Variants in ZNF792 observed in about 807,000 individuals in gnomAD.
ZNF792 encodes zinc finger protein 792.
A neutral mutation model predicts 13.1 loss-of-function variants in ZNF792; 14 were observed. That is an observed-to-expected ratio of 1.07 (90% CI 0.71 to 1.67). The LOEUF (loss-of-function observed/expected upper bound fraction) is 1.67, where lower values mean the gene tolerates loss of function less well. Among genes scored for constraint, ZNF792 ranks in the 40% most tolerant of loss-of-function variants. The probability of loss-of-function intolerance (pLI) is 0.00; values close to 1 mark genes in which losing one functional copy is unlikely to be tolerated. For synonymous variants in ZNF792, 257 were observed against 292.0 expected, an observed-to-expected ratio of 0.88 and a Z score of 1.22; for missense variants, 740 against 807.9, an observed-to-expected ratio of 0.92 and a Z score of 1.02.
At position 34,958,812 on chromosome 19, in the gene ZNF792, C is replaced by T. The variant is rs2013478378; in HGVS notation, c.1043G>A (p.Ser348Asn). 1.2e-6 allele frequency: 2 copies of T among 1,613,870 alleles called. No individual in the cohort carries two copies. The highest frequency in any genetic ancestry group is 1.7e-6 in the Non-Finnish European group (2 of 1,179,922). ...ATGCTGAATGAGGTTGGAGCTTCGG[C>T]TGAAGAATTTCCCACAGTCACCACA... ...HVCGDCGKFFSRSSNLIQHKR... is the reference protein window; with the variant it reads ...HVCGDCGKFFNRSSNLIQHKR... Residue 348 changes from serine (S) to asparagine (N), a missense_variant, in exon 4 of 4, where the codon AGC (serine) becomes AAC (asparagine). Ser to Asn is a conservative substitution (Grantham distance 46). Transcript: ENST00000404801.
rs749461661 is a variant in ZNF792 at position 34,959,480 on chromosome 19, A to C, written c.375T>G (p.Thr125=). The C allele has an allele frequency of 6.2e-7, 1 of 1,612,880 alleles. No individual in the cohort carries two copies. The highest frequency in any genetic ancestry group is 8.5e-7 in the Non-Finnish European group (1 of 1,179,210). ...GVAQDRSPEA[T]LCPQKTCPCD... ...AGGGGCAGGTCTTCTGGGGGCACAG[A>C]GTTGCCTCGGGACTCCTGTCCTGTG... Residue 125 remains threonine, a synonymous_variant, in exon 4 of 4, where the codon ACT becomes ACG. Transcript: ENST00000404801.
chr19:34,960,160 T>C, intron 3 of ZNF792, 75 bp downstream of exon 3: 1 of 1,570,182 alleles, frequency 6.4e-7, no homozygotes. Flanking sequence ...TGATGATGAA[T>C]AGGAGAGAAG....
chr19:34,960,097 G>T (rs1177603839), intron 3 of ZNF792, 138 bp downstream of exon 3: 2 of 1,284,346 alleles, frequency 1.6e-6, no homozygotes, highest in African/African-American at 3.0e-5. Context: ...AATGTGTCAA[G>T]CACGGGGAAG....
rs549410805 is a variant in ZNF792 at position 34,964,203 on chromosome 19, G to C, written c.-541C>G. Among the ~76,000 whole-genome samples the C allele has an allele frequency of 2.6e-5, 4 of 152,200 alleles. No homozygotes were observed. Among genetic ancestry groups the C allele is most frequent in the Admixed American group, 2.6e-4 (4 of 15,310 alleles). On this transcript the variant is annotated 5_prime_UTR_variant, in exon 1 of 4. Coordinates refer to ENST00000404801, the MANE Select transcript of ZNF792 (RefSeq NM_175872.5). Reference sequence around the variant, plus strand: ...ATCGCGAGTTTCTGCCCAGCCTCTCGTCAGGCTGAGGGTCCAGGGCGGGAA... The same window carrying C: ...ATCGCGAGTTTCTGCCCAGCCTCTCCTCAGGCTGAGGGTCCAGGGCGGGAA...
At position 34,960,214 on chromosome 19, in the gene ZNF792, CT is replaced by C. The variant is rs1568552649; in HGVS notation, c.283+20del. On this transcript the variant is annotated intron_variant, in intron 3 of 3. Transcript: ENST00000404801. ...CACAGTGGTGAAGTCACATCCTCCC[CT>C]AGCTCCCATCGCTGCTTACCAGAGC... 1.2e-6 allele frequency: 2 copies of C among 1,612,722 alleles called. No homozygotes were observed. The highest frequency in any genetic ancestry group is 3.3e-5 in the Admixed American group (2 of 59,996).
Position 34,958,736 on chromosome 19 carries a change from C to A in ZNF792, c.1119G>T (p.Lys373Asn), listed in dbSNP as rs943834305. The A allele has an allele frequency of 1.2e-6, 2 of 1,613,690 alleles. No homozygotes were observed. Among genetic ancestry groups the A allele is most frequent in the Admixed American group, 1.7e-5 (1 of 59,986 alleles). ...EKPYECSDCG[K>N]FFSQRSNLIH... The stretch of plus-strand genomic sequence containing the variant: ...TGAGGTTGGAACGCTGGCTGAAGAA[C>A]TTCCCACAGTCGCTGCACTCATATG... The change falls in exon 4 of 4, where the codon AAG becomes AAT. Residue 373 changes from lysine (K) to asparagine (N), a missense_variant. By Grantham distance (94) the Lys-to-Asn change is moderately conservative. Coordinates refer to ENST00000404801, the MANE Select transcript of ZNF792 (RefSeq NM_175872.5).
In ZNF792 at chr19:34,960,864, T is replaced by C; in HGVS notation, c.160+4A>G. 6.2e-7 allele frequency: 1 copy of C among 1,613,938 alleles called. No homozygotes were observed. Among genetic ancestry groups the C allele is most frequent in the Non-Finnish European group, 8.5e-7 (1 of 1,179,890 alleles). ...GGACACCGGGGTAGGGGTGACAGCC[T>C]TACCCAGCGAGGCTATAAGTGCAAA... On this transcript the variant is annotated splice_donor_region_variant and intron_variant, in intron 2 of 3. Transcript: ENST00000404801.
At position 34,958,076 on chromosome 19, in the gene ZNF792, C is replaced by G. The variant is rs1430032753; in HGVS notation, c.1779G>C (p.Val593=). Residue 593 remains valine, a synonymous_variant, in exon 4 of 4, where the codon GTG becomes GTC. Transcript: ENST00000404801. ...GTGTGTGCTGTGAACAGGGAAGGAG[C>G]ACATTCTCCATGCTCCTTTCTCTGA... ...IHIRERSMEN[V]LLPCSQHTPE... is the part of the protein sequence containing the mutation. 5.6e-6 allele frequency: 9 copies of G among 1,612,412 alleles called. No homozygotes were observed. Among genetic ancestry groups the G allele is most frequent in the Non-Finnish European group, 8.5e-7 (1 of 1,179,238 alleles).
At position 34,960,936 on chromosome 19, in the gene ZNF792, AG is replaced by A; in HGVS notation, c.91del (p.Leu31SerfsTer12). 1 of 1,614,030 alleles carries A rather than the reference AG, an allele frequency of 6.2e-7. No individual in the cohort carries two copies. The highest frequency in any genetic ancestry group is 1.1e-5 in the South Asian group (1 of 91,080). ...IYFSQEEWVL[L>X]DEAQRLLYCD... Reference sequence around the variant, plus strand: ...GTACAGGAGTCTCTGAGCCTCATCGAGGAGCACCCACTCCTCCTGGGAGAAG... The same window carrying A: ...GTACAGGAGTCTCTGAGCCTCATCGAGAGCACCCACTCCTCCTGGGAGAAG... On this transcript the variant is annotated frameshift_variant, in exon 2 of 4. Coordinates refer to ENST00000404801, the MANE Select transcript of ZNF792 (RefSeq NM_175872.5). LOFTEE classifies it high-confidence loss of function.
chr19:34,959,305 C>A lies in ZNF792; in HGVS notation c.550G>T (p.Val184Leu). 2.5e-6 allele frequency: 4 copies of A among 1,614,030 alleles called. No individual in the cohort carries two copies. Among genetic ancestry groups the A allele is most frequent in the Non-Finnish European group, 3.4e-6 (4 of 1,179,894 alleles). The change falls in exon 4 of 4, where the codon GTA becomes TTA. Residue 184 changes from valine to leucine, a missense_variant. By Grantham distance (32) the Val-to-Leu change is conservative (BLOSUM62 1). Transcript: ENST00000404801. ...NLPRKQVQQN[V>L]HNPIRTEEGQ... The stretch of plus-strand genomic sequence containing the variant: ...TCCTCCGTTCTGATAGGGTTGTGTA[C>A]GTTCTGCTGCACCTGTTTCCGGGGA...
chr19:34,958,653 T>G lies in ZNF792; in HGVS notation c.1202A>C (p.Lys401Thr), dbSNP rs201693784. The change falls in exon 4 of 4, where the codon AAA becomes ACA. Residue 401 changes from lysine (K) to threonine (T), a missense_variant. By Grantham distance (78) the Lys-to-Thr change is moderately conservative. Transcript: ENST00000404801. Reference protein sequence around the residue: ...RSAHECSECGKSFNCNSSLIK... With the variant: ...RSAHECSECGTSFNCNSSLIK... Reference sequence around the variant, plus strand: ...TAGGCTGGAGTTGCAGTTGAAAGATTTCCCACATTCACTGCACTCATGGGC... The same window carrying G: ...TAGGCTGGAGTTGCAGTTGAAAGATGTCCCACATTCACTGCACTCATGGGC... 2 of 1,614,094 alleles carry G rather than the reference T, an allele frequency of 1.2e-6. No homozygotes were observed. Among genetic ancestry groups the G allele is most frequent in the African/African-American group, 1.3e-5 (1 of 75,056 alleles).
At position 34,958,938 on chromosome 19, in the gene ZNF792, C is replaced by G. The variant is rs778015329; in HGVS notation, c.917G>C (p.Arg306Thr). The G allele has an allele frequency of 8.7e-6, 14 of 1,613,942 alleles. No homozygotes were observed. The African/African-American group carries it at 1.9e-4, about 22-fold the overall frequency. ...DLTQHQKVHN[R>T]GKPYECCECG... ...TTCACAGCACTCATACGGTTTTCCT[C>G]TATTGTGAACTTTCTGGTGTTGAGT... The change falls in exon 4 of 4, where the codon AGA becomes ACA. Residue 306 changes from arginine (R) to threonine (T), a missense_variant. Arg to Thr is a moderately conservative substitution (Grantham distance 71). Transcript: ENST00000404801.
chr19:34,959,187 G>A lies in ZNF792; in HGVS notation c.668C>T (p.Ala223Val). 1 of 1,614,016 alleles carries A rather than the reference G, an allele frequency of 6.2e-7. No homozygotes were observed. Among genetic ancestry groups the A allele is most frequent in the Non-Finnish European group, 8.5e-7 (1 of 1,179,898 alleles). Residue 223 changes from alanine to valine, a missense_variant, in exon 4 of 4, where the codon GCA becomes GTA. Ala to Val is a moderately conservative substitution (Grantham distance 64). Transcript: ENST00000404801. Reference protein sequence around the residue: ...REGGKDFVATAGFLQCEVTPS... With the variant: ...REGGKDFVATVGFLQCEVTPS... ...AGTGACCTCACACTGCAGAAACCCT[G>A]CTGTGGCCACAAAGTCCTTCCCACC...
intron 1 of ZNF792, among the ~76,000 whole-genome samples, chr19:34,963,320 A>C (rs1282993488): frequency 1.3e-5 from 2 of 151,846 alleles, no homozygotes; most frequent in East Asian, 1.9e-4. Flanking sequence ...GGGTTCCTTG[A>C]ACACTCCCAA....
rs556899768 is a variant in ZNF792 at position 34,956,381 on chromosome 19, T to C, written c.*1575A>G. 6.6e-6 allele frequency: 1 copy of C among 152,202 alleles called. No homozygotes were observed. The highest frequency in any genetic ancestry group is 2.4e-5 in the African/African-American group (1 of 41,512). The allele number at this position is 152,202 out of a possible 1,614,324, so 9.4% of individuals were successfully genotyped here. The stretch of plus-strand genomic sequence containing the variant: ...GAGTATAAATACTTTATGATTCCAA[T>C]TGTGTTAATTCTAGAAAAGGCAAAC... On this transcript the variant is annotated 3_prime_UTR_variant, in exon 4 of 4. Transcript: ENST00000404801.
intron 1 of ZNF792, among the ~76,000 whole-genome samples, chr19:34,962,675 G>A (rs1409711757): frequency 6.6e-6 from 1 of 152,056 alleles, no homozygotes; most frequent in Non-Finnish European, 1.5e-5. Flanking sequence ...TTCCTGGGCA[G>A]GTTCTGGGGC....
At chr19:34,963,557 T>C in intron 1 of ZNF792, 73 bp downstream of exon 1, 2 of 1,558,466 alleles carry the variant, frequency 1.3e-6, no homozygotes, top group East Asian at 2.4e-5. Context: ...AACAAAGCCA[T>C]CTTTTGCGTC....
At position 34,960,889 on chromosome 19, in the gene ZNF792, A is replaced by C. The variant is rs770459988; in HGVS notation, c.139T>G (p.Phe47Val). Residue 47 changes from phenylalanine (F) to valine (V), a missense_variant, in exon 2 of 4, where the codon TTT (phenylalanine) becomes GTT (valine). Transcript: ENST00000404801. ...LLYCDVMLEN[F>V]ALIASLGLIS... The stretch of plus-strand genomic sequence containing the variant: ...TTACCCAGCGAGGCTATAAGTGCAA[A>C]GTTTTCCAGCATCACATCGCAGTAC... 6 of 1,614,002 alleles carry C rather than the reference A, an allele frequency of 3.7e-6. No homozygotes were observed. In the Admixed American group the frequency reaches 1.0e-4, roughly 27 times the overall value.
chr19:34,960,493 T>A, intron 2 of ZNF792, 136 bp from the exon 3 acceptor site: 8 of 1,084,610 alleles, frequency 7.4e-6, no homozygotes, highest in Non-Finnish European at 1.0e-5. Flanking sequence ...CATCAGTGAT[T>A]GGAATTCCTG....
Sources: allele counts gnomAD v4.1 joint callset (sites outside exome capture counted in the v4.1 genomes callset), GRCh38; gene constraint gnomAD v4.1.1; transcripts MANE v1.5; gene names NCBI Gene and HGNC (gene_info 2026-07-23, HGNC 2026-07-21).